Variants in UBTF observed in about 807,000 individuals in gnomAD.
UBTF encodes upstream binding transcription factor, also known as nucleolar transcription factor 1.
Under a neutral mutation model 112.3 loss-of-function variants are expected in UBTF, and 8 were observed. The observed-to-expected ratio is 0.07, with a 90% CI of 0.04 to 0.13. The LOEUF (loss-of-function observed/expected upper bound fraction) is 0.13, where lower values mean the gene tolerates loss of function less well. Among genes scored for constraint, UBTF ranks in the 10% least tolerant of loss-of-function variants. The pLI is 1.00. For synonymous variants in UBTF, 417 were observed against 373.1 expected (o/e 1.12, Z -1.36); for missense variants, 457 against 982.1 (o/e 0.47, Z 7.15).
Position 44,211,633 on chromosome 17 carries a change from C to T in UBTF, c.1020G>A (p.Lys340=), listed in dbSNP as rs919984999. 2 of 1,611,578 alleles carry T rather than the reference C, an allele frequency of 1.2e-6. No individual in the cohort carries two copies. Among genetic ancestry groups the T allele is most frequent in the South Asian group, 1.1e-5 (1 of 91,044 alleles). Reference sequence around the variant, plus strand: ...GATCACACTTCTTGTGATAGGCGTCCTTCTCCTTCTGGGACAGCAGCTTCC... The same window carrying T: ...GATCACACTTCTTGTGATAGGCGTCTTTCTCCTTCTGGGACAGCAGCTTCC... The part of the protein sequence containing the change: ...QQWKLLSQKE[K]DAYHKKCDQK... The change falls in exon 10 of 21, where the codon AAG becomes AAA. Residue 340 remains lysine (K), a synonymous_variant. Transcript: ENST00000436088. The surrounding 1 kb of genome is among the most constrained non-coding windows in gnomAD (Gnocchi z 4.9).
In UBTF at chr17:44,210,870, C is replaced by G; in HGVS notation, c.1281G>C (p.Glu427Asp). The change falls in exon 13 of 21, where the codon GAG becomes GAC. Residue 427 changes from glutamate to aspartate, a missense_variant. Glu to Asp is a conservative substitution (Grantham distance 45). Around this residue, in one of 7 missense-constraint regions of UBTF, gnomAD observed 108 missense variants for 137.4 expected, o/e 0.79. Transcript: ENST00000436088. ...FSEEKRRQLQ[E>D]ERPELSESEL... Reference sequence around the variant, plus strand: ...CGCTCTCGGAGAGCTCAGGCCGCTCCTCCTGCAGCTGCCGCCGTTTCTCCT... The same window carrying G: ...CGCTCTCGGAGAGCTCAGGCCGCTCGTCCTGCAGCTGCCGCCGTTTCTCCT... The G allele has an allele frequency of 6.3e-7, 1 of 1,585,764 alleles. No individual in the cohort carries two copies. The highest frequency in any genetic ancestry group is 8.6e-7 in the Non-Finnish European group (1 of 1,166,216).
chr17:44,207,837 C>T, intron 18 of UBTF, 27 bp downstream of exon 18: 1 of 1,614,158 alleles, frequency 6.2e-7, no homozygotes, highest in Non-Finnish European at 8.5e-7. Context: ...CACCCCTACC[C>T]CACTGCTGCT....
At chr17:44,214,724 C>G (rs1174089447) in intron 5 of UBTF, among the ~76,000 whole-genome samples, 1 of 152,170 alleles carries the variant, frequency 6.6e-6, no homozygotes, top group Non-Finnish European at 1.5e-5. Context: ...AAGGGCTACT[C>G]ATAGCATGGC....
upstream of UBTF, chr17:44,220,942 G>GGCGCA (rs1467518623): frequency 2.7e-4 from 28 of 104,736 alleles, no homozygotes; most frequent in South Asian, 7.0e-3. Flanking sequence ...CGCCCGCCTC[G>GGCGCA]GCGCAGCGCA....
chr17:44,217,865 T>C (rs971950221), intron 2 of UBTF, among the ~76,000 whole-genome samples: 3 of 152,192 alleles, frequency 2.0e-5, no homozygotes, highest in Admixed American at 6.5e-5. Flanking sequence ...ACACTCATCC[T>C]TCCTCCCATT....
In UBTF at chr17:44,207,535, A is replaced by C. The variant is rs1412094893; in HGVS notation, c.2088T>G (p.Asp696Glu). ...DDEDEDEEEE[D>E]DENGDSSEDG... ...CTTCAGAGGAGTCCCCATTCTCATC[A>C]TCTTCCTCTTCTTCATCCTCGTCCT... The change falls in exon 20 of 21, where the codon GAT (aspartate) becomes GAG (glutamate). Residue 696 changes from aspartate to glutamate, a missense_variant. By Grantham distance (45) the Asp-to-Glu change is conservative. This residue lies in a region of UBTF where 139 missense variants were observed against 157.5 expected (regional missense o/e 0.88). Coordinates refer to ENST00000436088, the MANE Select transcript of UBTF (RefSeq NM_014233.4). 1.1e-5 allele frequency: 18 copies of C among 1,613,684 alleles called. No individual in the cohort carries two copies. Among genetic ancestry groups the C allele is most frequent in the Non-Finnish European group, 1.5e-5 (18 of 1,179,938 alleles).
At chr17:44,207,662 C>CCGCCCCA (rs769293661) in intron 19 of UBTF, 37 bp downstream of exon 19, 213 of 1,614,088 alleles carry the variant, frequency 1.3e-4, no homozygotes, top group Non-Finnish European at 1.7e-4. Flanking sequence ...GCAGTGCCCC[C>CCGCCCCA]CGCCCCACGC....
chr17:44,213,065 C>G lies in UBTF; in HGVS notation c.540-126G>C, dbSNP rs1567800935. ...GCTCAGTGGGACGGTGGCTGCCTGC[C>G]TGTCTCTGTCCCTGAGCATGACACA... On this transcript the variant is annotated intron_variant, in intron 6 of 20. Transcript: ENST00000436088. The G allele has an allele frequency of 2.9e-5, 45 of 1,539,356 alleles. No individual in the cohort carries two copies. The South Asian group carries it at 4.7e-4, about 16-fold the overall frequency.
chr17:44,212,317 C>T (rs760264462), intron 8 of UBTF, 27 bp downstream of exon 8: 110 of 1,589,552 alleles, frequency 6.9e-5, no homozygotes, highest in African/African-American at 1.3e-4. Flanking sequence ...AAGAGCCGGA[C>T]GGGGAGGAGC....
chr17:44,218,151 G>A (rs1262586820), intron 2 of UBTF, 21 bp downstream of exon 2: 5 of 1,610,598 alleles, frequency 3.1e-6, no homozygotes, highest in East Asian at 2.2e-5. Context: ...GTTTCAGAGG[G>A]CCGGGGGTGG....
At chr17:44,213,147 C>G in intron 6 of UBTF, 71 bp downstream of exon 6, 1 of 1,572,940 alleles carries the variant, frequency 6.4e-7, no homozygotes. Flanking sequence ...AAACTCAAGG[C>G]TCTGGCCAGG....
At chr17:44,220,141 G>C (rs2047109151), upstream of UBTF, among the ~76,000 whole-genome samples, 1 of 150,920 alleles carries the variant, frequency 6.6e-6, no homozygotes, top group Non-Finnish European at 1.5e-5. Flanking sequence ...GGCGGGGCTC[G>C]GAGCCTAGGC....
At chr17:44,212,244 G>A (rs2056732464) in intron 8 of UBTF, 100 bp downstream of exon 8, 1 of 1,034,342 alleles carries the variant, frequency 9.7e-7, no homozygotes, top group Non-Finnish European at 1.4e-6. Flanking sequence ...CTCAACAGAG[G>A]GATGGGGAGT....
chr17:44,216,417 C>T, intron 3 of UBTF, 112 bp downstream of exon 3: 1 of 1,291,454 alleles, frequency 7.7e-7, no homozygotes, highest in Admixed American at 1.8e-5. Flanking sequence ...TAACGGGAGA[C>T]CACATGAATG....
At chr17:44,216,767 G>C (rs962129759) in intron 2 of UBTF, 63 bp from the exon 3 acceptor site, 35 of 1,538,280 alleles carry the variant, frequency 2.3e-5, no homozygotes, top group Non-Finnish European at 3.1e-5. Flanking sequence ...CTGTTCCCCA[G>C]TTCTTGAGTG....
chr17:44,220,573 G>C (rs1188904319), upstream of UBTF, among the ~76,000 whole-genome samples: 4 of 151,882 alleles, frequency 2.6e-5, no homozygotes, highest in African/African-American at 9.7e-5. Flanking sequence ...TTTACACCCC[G>C]GAAACGGCAA....
chr17:44,211,220 G>A lies in UBTF; in HGVS notation c.1090-68C>T, dbSNP rs986946611. 6 of 1,613,632 alleles carry A rather than the reference G, an allele frequency of 3.7e-6. No homozygotes were observed. In the African/African-American group the frequency reaches 5.3e-5, roughly 14 times the overall value. ...AGACTGCATGGTGCCCTATCTCCAG[G>A]GGCTCACCAGGGCTCTGCCTGCCAA... is the stretch of plus-strand genomic sequence containing the variant. On this transcript the variant is annotated intron_variant, in intron 11 of 20. Transcript: ENST00000436088. The surrounding 1 kb of genome is among the most constrained non-coding windows in gnomAD (Gnocchi z 4.9).
upstream of UBTF, among the ~76,000 whole-genome samples, chr17:44,220,150 G>C (rs565298630): frequency 6.6e-6 from 1 of 151,042 alleles, no homozygotes; most frequent in Non-Finnish European, 1.5e-5. Flanking sequence ...CGGAGCCTAG[G>C]CGGGCGGGCG....
chr17:44,206,902 T>G lies in UBTF; in HGVS notation c.*340A>C. The G allele has an allele frequency of 2.4e-6, 1 of 413,622 alleles. No individual in the cohort carries two copies. The highest frequency in any genetic ancestry group is 4.3e-6 in the Non-Finnish European group (1 of 232,790). The allele number at this position is 413,622 out of a possible 1,614,324, so 25.6% of individuals were successfully genotyped here. ...GGTGTGGAGGGCCTCATCAAACTCT[T>G]TGGGACCCCCCACCCCCACTCTCCG... On this transcript the variant is annotated 3_prime_UTR_variant, in exon 21 of 21. Coordinates refer to ENST00000436088, the MANE Select transcript of UBTF (RefSeq NM_014233.4).
Sources: gnomAD v4.1 joint callset for allele counts (sites outside exome capture counted in the v4.1 genomes callset) on GRCh38, gnomAD v4.1.1 for gene constraint, gnomAD v4.1.1 regional missense constraint, Gnocchi (gnomAD v3.1) non-coding constraint, MANE v1.5 for transcripts, NCBI Gene and HGNC (gene_info 2026-07-23, HGNC 2026-07-21) for gene names.